The following RBMS3 variants were observed in gnomAD, a reference collection of about 807,000 sequenced individuals.
The protein encoded by RBMS3 is RNA binding motif single stranded interacting protein 3, also known as RNA-binding motif, single-stranded-interacting protein 3.
In RBMS3, 27 loss-of-function variants were observed where a neutral mutation model predicts 66.8. That is an observed-to-expected ratio of 0.40 (90% CI 0.30 to 0.56). The LOEUF is 0.56. Ranked by LOEUF, RBMS3 falls within the 20% of genes least tolerant of loss-of-function variation. RBMS3 has a pLI of 0.40. For synonymous variants in RBMS3, 188 were observed against 183.0 expected (o/e 1.03, Z -0.22); for missense variants, 513 against 549.5 (o/e 0.93, Z 0.66).
At chr3:29,837,117 A>G (rs373726348) in intron 6 of RBMS3, among the ~76,000 whole-genome samples, 21 of 152,222 alleles carry the variant, frequency 1.4e-4, no homozygotes, top group East Asian at 9.7e-4. Context: ...CATGGGGTCA[A>G]TCATCATTTT....
intron 1 of RBMS3, among the ~76,000 whole-genome samples, chr3:29,346,771 C>T (rs1454716739): frequency 1.3e-5 from 2 of 152,090 alleles, no homozygotes; most frequent in East Asian, 1.9e-4. Context: ...TGAGCATTAG[C>T]AGGGGCATGT....
intron 4 of RBMS3, among the ~76,000 whole-genome samples, chr3:29,724,516 G>A (rs1238550285): frequency 6.6e-6 from 1 of 151,952 alleles, no homozygotes; most frequent in Non-Finnish European, 1.5e-5. Context: ...TAGTGTCAGG[G>A]CCACCATGTC....
chr3:29,607,830 C>G (rs2048363246), intron 4 of RBMS3, among the ~76,000 whole-genome samples: 1 of 151,896 alleles, frequency 6.6e-6, no homozygotes, highest in South Asian at 2.1e-4. Context: ...CTATCTTGAT[C>G]ATAAATTTTG....
At chr3:29,850,137 A>G (rs1229064350) in intron 6 of RBMS3, among the ~76,000 whole-genome samples, 2 of 152,140 alleles carry the variant, frequency 1.3e-5, no homozygotes, top group Non-Finnish European at 2.9e-5. Context: ...TACAAAGACA[A>G]GTTTCTGTGG....
intron 3 of RBMS3, among the ~76,000 whole-genome samples, chr3:29,555,694 G>A (rs982152528): frequency 3.3e-5 from 5 of 152,164 alleles, no homozygotes; most frequent in Admixed American, 2.6e-4. Flanking sequence ...CATTTTAACA[G>A]TGTTACTCCT....
At chr3:29,477,293 T>C (rs1207810817) in intron 2 of RBMS3, among the ~76,000 whole-genome samples, 1 of 152,170 alleles carries the variant, frequency 6.6e-6, no homozygotes, top group Non-Finnish European at 1.5e-5. Context: ...ACTTTGTCAC[T>C]TTGCAAAATA....
chr3:29,514,725 T>G (rs964997857), intron 3 of RBMS3, among the ~76,000 whole-genome samples: 20 of 141,618 alleles, frequency 1.4e-4, no homozygotes, highest in Non-Finnish European at 2.6e-4. Context: ...GTGTATATGA[T>G]AAGCATATAT....
At chr3:29,479,391 A>G (rs2043057071) in intron 2 of RBMS3, among the ~76,000 whole-genome samples, 1 of 151,704 alleles carries the variant, frequency 6.6e-6, no homozygotes, top group Non-Finnish European at 1.5e-5. Flanking sequence ...TATCAGGTCC[A>G]TAAAAATTAC....
At chr3:29,595,073 G>T (rs2047896630) in intron 4 of RBMS3, among the ~76,000 whole-genome samples, 1 of 152,120 alleles carries the variant, frequency 6.6e-6, no homozygotes, top group South Asian at 2.1e-4. Context: ...GTTACTGAAG[G>T]ATATGTGTGG....
At chr3:29,654,941 A>T (rs1316725567) in intron 4 of RBMS3, among the ~76,000 whole-genome samples, 2 of 152,016 alleles carry the variant, frequency 1.3e-5, no homozygotes, top group Non-Finnish European at 2.9e-5. Flanking sequence ...AGCCAAAGAA[A>T]ACGTGACCTG....
chr3:29,649,857 C>T (rs1004524950), intron 4 of RBMS3, among the ~76,000 whole-genome samples: 3 of 152,186 alleles, frequency 2.0e-5, no homozygotes, highest in Admixed American at 6.5e-5. Flanking sequence ...TATTGTCTCT[C>T]ATCATACTAT....
chr3:29,652,642 C>CA (rs1029501050), intron 4 of RBMS3, among the ~76,000 whole-genome samples: 4 of 151,772 alleles, frequency 2.6e-5, no homozygotes, highest in African/African-American at 9.7e-5. Flanking sequence ...TTGATCCATG[C>CA]AAAAAAATAA....
intron 10 of RBMS3, among the ~76,000 whole-genome samples, chr3:29,932,434 T>G (rs970210320): frequency 8.5e-5 from 13 of 152,192 alleles, no homozygotes; most frequent in African/African-American, 3.1e-4. Flanking sequence ...TTAGAGTATA[T>G]CAGAATCACC....
At chr3:29,762,458 T>A (rs1340701949) in intron 5 of RBMS3, among the ~76,000 whole-genome samples, 1 of 152,182 alleles carries the variant, frequency 6.6e-6, no homozygotes, top group East Asian at 1.9e-4. Flanking sequence ...GCTTTACTGT[T>A]GCACAGATGT....
At position 29,738,429 on chromosome 3, in the gene RBMS3, T is replaced by C. The variant is rs184072773; in HGVS notation, c.400-1291T>C. On this transcript the variant is annotated intron_variant, in intron 4 of 14. Transcript: ENST00000383767. ...TCTGTCAAGTTTTTGACTGTTTTAT[T>C]TGAGACATAAATACAACTAAGTTCT... Among the ~76,000 whole-genome samples, 399 of 152,290 alleles carry C rather than the reference T, an allele frequency of 2.6e-3. 1 individual carries two copies. Among genetic ancestry groups the C allele is most frequent in the Non-Finnish European group, 3.7e-3 (249 of 68,024 alleles).
At chr3:29,824,868 A>G (rs936608048) in intron 6 of RBMS3, among the ~76,000 whole-genome samples, 9 of 152,194 alleles carry the variant, frequency 5.9e-5, no homozygotes, top group African/African-American at 1.9e-4. Context: ...AAAAATTTAC[A>G]TCAAATAATG....
rs1320695821 is a variant in RBMS3, at chr3:30,007,632, C to T, written c.*3770C>T. ...TGTCTTCTAAAGACAACGTAATGAG[C>T]CCAAGTGAACTGAAGGTCATACTGG... On this transcript the variant is annotated 3_prime_UTR_variant, in exon 15 of 15. Transcript: ENST00000383767. 3 of 151,998 alleles carry T rather than the reference C, an allele frequency of 2.0e-5. No homozygotes were observed. The highest frequency in any genetic ancestry group is 4.4e-5 in the Non-Finnish European group (3 of 67,952). The allele number at this position is 151,998 out of a possible 1,614,324, so 9.4% of individuals were successfully genotyped here. A position where few individuals can be genotyped will look rare whatever the true frequency, so the allele number is the denominator to read the frequency against.
At chr3:29,585,440 A>C (rs1212647824) in intron 3 of RBMS3, among the ~76,000 whole-genome samples, 3 of 152,178 alleles carry the variant, frequency 2.0e-5, no homozygotes, top group Non-Finnish European at 4.4e-5. Flanking sequence ...GAAAGGACAC[A>C]TGCAGACTTT....
At chr3:29,408,643 A>G (rs2040132081) in intron 1 of RBMS3, among the ~76,000 whole-genome samples, 2 of 152,096 alleles carry the variant, frequency 1.3e-5, no homozygotes, top group Admixed American at 6.6e-5. Flanking sequence ...CTTTTTTTAT[A>G]TATATATTTT....
Sources: allele counts gnomAD v4.1 joint callset (sites outside exome capture counted in the v4.1 genomes callset), GRCh38; gene constraint gnomAD v4.1.1; transcripts MANE v1.5; gene names NCBI Gene and HGNC (gene_info 2026-07-23, HGNC 2026-07-21).